The following NAA11 variants were observed in gnomAD, a reference collection of about 807,000 sequenced individuals.
NAA11 encodes the protein N-alpha-acetyltransferase 11.
In NAA11, 15 loss-of-function variants were observed where a neutral mutation model predicts 16.1. The observed-to-expected ratio is 0.93, with a 90% CI of 0.62 to 1.44. NAA11 has a LOEUF of 1.44. NAA11 is among the 40% of genes most tolerant of loss of function. The pLI is 0.00. For synonymous variants in NAA11, 122 were observed against 112.4 expected, an observed-to-expected ratio of 1.09 and a Z score of -0.54; for missense variants, 298 against 291.3, an observed-to-expected ratio of 1.02 and a Z score of -0.17.
At chr4:79,235,892 G>T (rs1164316255) in intron 2 of NAA11, among the ~76,000 whole-genome samples, 1 of 149,526 alleles carries the variant, frequency 6.7e-6, no homozygotes, top group African/African-American at 2.5e-5. Context: ...TTTATACAAA[G>T]AAGCTACCTC....
At chr4:79,321,276 A>G (rs535655745) in intron 1 of NAA11, among the ~76,000 whole-genome samples, 1 of 152,320 alleles carries the variant, frequency 6.6e-6, no homozygotes, top group South Asian at 2.1e-4. Flanking sequence ...GATGTTTCCT[A>G]TTGTGGCAGA....
rs116578704 is a variant in NAA11 at position 79,285,506 on chromosome 4, A to G, written c.*122+8499T>C. On this transcript the variant is annotated intron_variant and NMD_transcript_variant, in intron 2 of 2. Coordinates refer to the NAA11 transcript ENST00000511542. ...TTGTTAAATGCACTTCTGAAATTCA[A>G]TTGCAAGAGTATTACAATACCTTGT... is the stretch of plus-strand genomic sequence containing the variant. Among the ~76,000 whole-genome samples the G allele has an allele frequency of 6.3e-3, 952 of 152,230 alleles. 9 individuals carry two copies. The highest frequency in any genetic ancestry group is 0.022 in the African/African-American group (905 of 41,564).
chr4:79,246,377 TAAAA>T (rs869224539), intron 2 of NAA11, among the ~76,000 whole-genome samples: 3 of 22,462 alleles, frequency 1.3e-4, no homozygotes, highest in Non-Finnish European at 3.0e-4. Flanking sequence ...CAATAAATAC[TAAAA>T]AAAAAAAAAA....
At chr4:79,219,362 G>T in the NAA11 span, among the ~76,000 whole-genome samples, 595 of 152,222 alleles carry the variant, frequency 3.9e-3, 3 homozygotes, top group African/African-American at 0.013. Context: ...GATACCAGAT[G>T]ACAGCTCAAA....
chr4:79,315,213 A>AT (rs1404606151), downstream of NAA11, among the ~76,000 whole-genome samples: 2 of 152,090 alleles, frequency 1.3e-5, no homozygotes, highest in Non-Finnish European at 2.9e-5. Context: ...AAAAATCTGC[A>AT]TTTTTTAACA....
At chr4:79,302,632 T>G (rs1234167969) in intron 1 of NAA11, among the ~76,000 whole-genome samples, 1 of 152,220 alleles carries the variant, frequency 6.6e-6, no homozygotes, top group Non-Finnish European at 1.5e-5. Flanking sequence ...TATACATTTG[T>G]GTGTATATTC....
the NAA11 span, among the ~76,000 whole-genome samples, chr4:79,204,570 C>G: frequency 7.0e-6 from 1 of 141,978 alleles, no homozygotes; most frequent in Non-Finnish European, 1.5e-5. Context: ...TTCTCTCCTT[C>G]TACTTTTATT....
At chr4:79,320,754 C>G (rs1724066192) in intron 1 of NAA11, among the ~76,000 whole-genome samples, 1 of 152,154 alleles carries the variant, frequency 6.6e-6, no homozygotes, top group Non-Finnish European at 1.5e-5. Context: ...TCTCTGTTCC[C>G]AAATCCAAAA....
At chr4:79,294,620 C>T (rs1723167292) in intron 1 of NAA11, among the ~76,000 whole-genome samples, 1 of 152,084 alleles carries the variant, frequency 6.6e-6, no homozygotes, top group East Asian at 1.9e-4. Context: ...TCTTTTATTT[C>T]TATCTGGTGG....
intron 1 of NAA11, among the ~76,000 whole-genome samples, chr4:79,306,262 G>T (rs1362444608): frequency 6.6e-6 from 1 of 152,184 alleles, no homozygotes; most frequent in African/African-American, 2.4e-5. Flanking sequence ...AAATACCACA[G>T]ACTGTGTGGC....
chr4:79,317,359 A>C lies in NAA11; in HGVS notation c.*445T>G, dbSNP rs780657164. On this transcript the variant is annotated 3_prime_UTR_variant, in exon 2 of 2. Transcript: ENST00000286794. ...GAGGTCTGACTTCATGGTCCTGACT[A>C]CTTCACCTCCTCAAGGATGAAAACT... 6.6e-6 allele frequency: 1 copy of C among 152,222 alleles called. No individual in the cohort carries two copies. Among genetic ancestry groups the C allele is most frequent in the Non-Finnish European group, 1.5e-5 (1 of 68,060 alleles). 9.4% of individuals were successfully genotyped at this position (152,222 alleles called of 1,614,324 possible). A position where few individuals can be genotyped will look rare whatever the true frequency, so the allele number is the denominator to read the frequency against.
At chr4:79,173,116 G>C in the NAA11 span, among the ~76,000 whole-genome samples, 3 of 152,180 alleles carry the variant, frequency 2.0e-5, no homozygotes, top group Admixed American at 6.6e-5. Context: ...AGATTTTGAA[G>C]ATAGTTTCTG....
the NAA11 span, among the ~76,000 whole-genome samples, chr4:79,198,231 A>G: frequency 6.6e-6 from 1 of 151,906 alleles, no homozygotes; most frequent in Non-Finnish European, 1.5e-5. Flanking sequence ...CTCATGGTCC[A>G]GGTAGATTCT....
chr4:79,192,333 T>A, the NAA11 span, among the ~76,000 whole-genome samples: 1 of 151,202 alleles, frequency 6.6e-6, no homozygotes, highest in East Asian at 2.0e-4. Context: ...ACCCATTAAC[T>A]CATCATTTAA....
chr4:79,266,719 A>G (rs1034316030), intron 2 of NAA11, among the ~76,000 whole-genome samples: 5 of 152,226 alleles, frequency 3.3e-5, no homozygotes, highest in Non-Finnish European at 7.3e-5. Context: ...AATAACTGGT[A>G]TAAGAACTTC....
At chr4:79,242,882 G>A (rs578182228) in intron 2 of NAA11, among the ~76,000 whole-genome samples, 1 of 152,300 alleles carries the variant, frequency 6.6e-6, no homozygotes, top group South Asian at 2.1e-4. Flanking sequence ...CCTGTGCAAT[G>A]CTTTTCAGGA....
At chr4:79,164,452 AGAAGAC>A in the NAA11 span, among the ~76,000 whole-genome samples, 3 of 152,210 alleles carry the variant, frequency 2.0e-5, no homozygotes, top group South Asian at 6.2e-4. Context: ...TCTTTCTAAG[AGAAGAC>A]ACCAAGGTTA....
chr4:79,266,931 T>A (rs896697873), intron 2 of NAA11, among the ~76,000 whole-genome samples: 5 of 152,292 alleles, frequency 3.3e-5, no homozygotes, highest in South Asian at 4.1e-4. Flanking sequence ...AATAACATAT[T>A]CCACCAACTC....
the NAA11 span, among the ~76,000 whole-genome samples, chr4:79,188,732 C>T: frequency 1.3e-5 from 2 of 152,014 alleles, no homozygotes; most frequent in African/African-American, 4.8e-5. Flanking sequence ...TTTTATTTTA[C>T]ATAGTAGATT....
Sources: allele counts gnomAD v4.1 joint callset (sites outside exome capture counted in the v4.1 genomes callset), GRCh38; gene constraint gnomAD v4.1.1; transcripts MANE v1.5; gene names NCBI Gene and HGNC (gene_info 2026-07-23, HGNC 2026-07-21).